NXPH1: variants seen among roughly 807,000 people sequenced by gnomAD.
NXPH1 encodes neurexophilin 1, also known as neurexophilin-1.
Under a neutral mutation model 23.7 loss-of-function variants are expected in NXPH1, and 5 were observed. The observed-to-expected ratio is 0.21, with a 90% CI of 0.11 to 0.44. NXPH1 has a LOEUF of 0.44. Ranked by LOEUF, NXPH1 falls within the 20% of genes least tolerant of loss-of-function variation. The pLI is 0.99. For synonymous variants in NXPH1, 144 were observed against 122.2 expected (o/e 1.18, Z -1.18); for missense variants, 324 against 321.6 (o/e 1.01, Z -0.06).
chr7:8,668,666 C>A (rs1413764291), intron 2 of NXPH1, among the ~76,000 whole-genome samples: 1 of 151,962 alleles, frequency 6.6e-6, no homozygotes, highest in Non-Finnish European at 1.5e-5. Flanking sequence ...AGGGGCTGAC[C>A]AGGTACTGGC....
chr7:8,571,110 A>T (rs1818639038), intron 2 of NXPH1, among the ~76,000 whole-genome samples: 1 of 151,840 alleles, frequency 6.6e-6, no homozygotes, highest in Non-Finnish European at 1.5e-5. Flanking sequence ...TCCTGGTCCC[A>T]CTTAGAATTA....
chr7:8,730,944 T>C (rs1224753003), intron 2 of NXPH1, among the ~76,000 whole-genome samples: 1 of 149,892 alleles, frequency 6.7e-6, no homozygotes, highest in Non-Finnish European at 1.5e-5. Context: ...GTTTTCCAAC[T>C]TGGTTCCATT....
chr7:8,518,349 A>G (rs1233095984), intron 2 of NXPH1, among the ~76,000 whole-genome samples: 1 of 152,174 alleles, frequency 6.6e-6, no homozygotes, highest in Non-Finnish European at 1.5e-5. Context: ...TGTCTTCATC[A>G]TCAACAACAT....
intron 2 of NXPH1, among the ~76,000 whole-genome samples, chr7:8,676,527 C>A (rs1175410040): frequency 6.6e-6 from 1 of 152,066 alleles, no homozygotes; most frequent in Non-Finnish European, 1.5e-5. Context: ...CTTTGTCTAG[C>A]AAAGTGTAAG....
At chr7:8,504,937 T>C (rs2128613117) in intron 2 of NXPH1, among the ~76,000 whole-genome samples, 1 of 152,198 alleles carries the variant, frequency 6.6e-6, no homozygotes, top group African/African-American at 2.4e-5. Context: ...ATTTGTTGTT[T>C]GAACCACCTT....
At chr7:8,740,467 A>G (rs1780342520) in intron 2 of NXPH1, among the ~76,000 whole-genome samples, 1 of 152,216 alleles carries the variant, frequency 6.6e-6, no homozygotes, top group African/African-American at 2.4e-5. Context: ...TAAATGGATA[A>G]AATGTGGCTC....
intron 2 of NXPH1, among the ~76,000 whole-genome samples, chr7:8,656,304 T>G (rs1820580953): frequency 6.6e-6 from 1 of 152,228 alleles, no homozygotes; most frequent in Non-Finnish European, 1.5e-5. Context: ...ATTTGTAGAA[T>G]AAATGAATAA....
intron 2 of NXPH1, among the ~76,000 whole-genome samples, chr7:8,665,372 T>G (rs144173686): frequency 6.8e-4 from 103 of 152,160 alleles, no homozygotes; most frequent in African/African-American, 2.3e-3. Context: ...TCTATTCCAT[T>G]AGTCTACTTT....
At chr7:8,674,732 A>G (rs945231087) in intron 2 of NXPH1, among the ~76,000 whole-genome samples, 10 of 152,186 alleles carry the variant, frequency 6.6e-5, no homozygotes, top group African/African-American at 2.4e-4. Flanking sequence ...CAGGTTCTTG[A>G]CAATTTTGGT....
intron 2 of NXPH1, among the ~76,000 whole-genome samples, chr7:8,635,738 G>A (rs1009385710): frequency 3.3e-5 from 5 of 152,048 alleles, no homozygotes; most frequent in African/African-American, 1.2e-4. Flanking sequence ...ATTGTTTCTT[G>A]GAAGCATTTA....
At chr7:8,565,521 G>A (rs1818527819) in intron 2 of NXPH1, among the ~76,000 whole-genome samples, 1 of 151,642 alleles carries the variant, frequency 6.6e-6, no homozygotes, top group South Asian at 2.1e-4. Flanking sequence ...AAAGGAGAGA[G>A]GGTTTAGGTA....
chr7:8,439,953 C>T (rs1462829802), intron 2 of NXPH1, among the ~76,000 whole-genome samples: 1 of 152,172 alleles, frequency 6.6e-6, no homozygotes. Context: ...GAGCTTATTA[C>T]TGAAAATAAA....
chr7:8,561,203 G>A (rs10248744), intron 2 of NXPH1, among the ~76,000 whole-genome samples: 24,902 of 151,424 alleles, frequency 0.16, 3,658 homozygotes, highest in African/African-American at 0.4. Flanking sequence ...TCGAAGCTCT[G>A]AAAGAGAAAA....
At chr7:8,489,283 C>T (rs985475588) in intron 2 of NXPH1, among the ~76,000 whole-genome samples, 3 of 152,018 alleles carry the variant, frequency 2.0e-5, no homozygotes, top group Admixed American at 1.3e-4. Flanking sequence ...TCGAAAAGGA[C>T]CCTTCTTCAT....
chr7:8,560,287 T>C (rs1818421347), intron 2 of NXPH1, among the ~76,000 whole-genome samples: 1 of 151,752 alleles, frequency 6.6e-6, no homozygotes, highest in Non-Finnish European at 1.5e-5. Context: ...TGCTTTGCTT[T>C]ACTCCTTGGC....
intron 2 of NXPH1, among the ~76,000 whole-genome samples, chr7:8,596,894 A>G (rs1223088296): frequency 6.6e-6 from 1 of 152,136 alleles, no homozygotes; most frequent in African/African-American, 2.4e-5. Flanking sequence ...ATATAGTAGG[A>G]TAAATATAAT....
At chr7:8,441,528 T>C (rs1481019114) in intron 2 of NXPH1, among the ~76,000 whole-genome samples, 1 of 152,166 alleles carries the variant, frequency 6.6e-6, no homozygotes, top group Non-Finnish European at 1.5e-5. Context: ...TGTAAGGATG[T>C]CACTCAATTT....
intron 2 of NXPH1, among the ~76,000 whole-genome samples, chr7:8,674,908 G>T (rs925131076): frequency 6.6e-6 from 1 of 152,144 alleles, no homozygotes; most frequent in Non-Finnish European, 1.5e-5. Context: ...ATTTCAAGGG[G>T]TATCTTACGG....
intron 2 of NXPH1, among the ~76,000 whole-genome samples, chr7:8,695,150 A>G (rs561698370): frequency 1.1e-4 from 16 of 152,322 alleles, no homozygotes; most frequent in Non-Finnish European, 1.9e-4. Context: ...AGAATAGGGT[A>G]CTTTTAATTT....
Sources: gnomAD v4.1 joint callset for allele counts (sites outside exome capture counted in the v4.1 genomes callset) on GRCh38, gnomAD v4.1.1 for gene constraint, MANE v1.5 for transcripts, NCBI Gene and HGNC (gene_info 2026-07-23, HGNC 2026-07-21) for gene names.